Variants in SDR42E2 observed in about 807,000 individuals in gnomAD.
The protein encoded by SDR42E2 is putative short-chain dehydrogenase/reductase family 42E member 2.
Under a neutral mutation model 10.5 loss-of-function variants are expected in SDR42E2, and 20 were observed. That is an observed-to-expected ratio of 1.90 (90% confidence interval 1.34 to 2.77). The LOEUF is 2.77. Among genes scored for constraint, SDR42E2 ranks in the 30% most tolerant of loss-of-function variants. The pLI, the probability that SDR42E2 is intolerant of heterozygous loss-of-function variation, is 0.00. For synonymous variants in SDR42E2, 72 were observed against 39.2 expected (o/e 1.84, Z -3.12); for missense variants, 162 against 104.2 (o/e 1.55, Z -2.42).
intron 7 of SDR42E2, among the ~76,000 whole-genome samples, chr16:22,177,352 C>T (rs138727018): frequency 6.4e-4 from 97 of 152,184 alleles, no homozygotes; most frequent in Non-Finnish European, 1.1e-3. Context: ...CAAGGCCGGG[C>T]GCGGTGGCTC....
chr16:22,163,750 C>T (rs926436094), intron 1 of SDR42E2, among the ~76,000 whole-genome samples: 1 of 151,950 alleles, frequency 6.6e-6, no homozygotes, highest in African/African-American at 2.4e-5. Flanking sequence ...TTATACGGGG[C>T]AGGACTGTAT....
intron 7 of SDR42E2, among the ~76,000 whole-genome samples, chr16:22,173,903 GTGTATATATATATATA>G (rs1381879194): frequency 1.8e-5 from 2 of 112,780 alleles, no homozygotes; most frequent in South Asian, 3.2e-4. Context: ...ATATGTGTGT[GTGTATATATATATATA>G]TATATATATA....
Position 22,190,512 on chromosome 16 carries a change from C to T in SDR42E2, c.*119C>T, listed in dbSNP as rs2046766722. ...TGGGTTTGAGCGCGCCTCCGCTCCG[C>T]CCCTTGAATCCTGGTCACGCCCCCG... On this transcript the variant is annotated 3_prime_UTR_variant, in exon 13 of 13. Coordinates refer to ENST00000602312, the MANE Select transcript of SDR42E2 (RefSeq NM_001394319.2). 3 of 399,194 alleles carry T rather than the reference C, an allele frequency of 7.5e-6. No individual in the cohort carries two copies. Among genetic ancestry groups the T allele is most frequent in the Non-Finnish European group, 1.3e-5 (3 of 226,518 alleles). The allele number at this position is 399,194 out of a possible 1,614,324, so 24.7% of individuals were successfully genotyped here.
rs1024596766 is a variant in SDR42E2, at chr16:22,162,565, G to GT, written c.-37+2dup. On this transcript the variant is annotated splice_donor_variant, in intron 1 of 12. Coordinates refer to ENST00000602312, the MANE Select transcript of SDR42E2 (RefSeq NM_001394319.2). LOFTEE classifies it low-confidence loss of function (5UTR_SPLICE). ...GCAGCGCCGCGGGAGCCCGGGCCAG[G>GT]TGAGCGAAGCCCGGACGCGGGCCAG... Among the ~76,000 whole-genome samples, 8 of 152,194 alleles carry GT rather than the reference G, an allele frequency of 5.3e-5. No individual in the cohort carries two copies. The highest frequency in any genetic ancestry group is 1.7e-4 in the African/African-American group (7 of 41,462).
At chr16:22,186,905 C>T (rs2046740696) in intron 12 of SDR42E2, 111 bp downstream of exon 12, 2 of 398,074 alleles carry the variant, frequency 5.0e-6, no homozygotes, top group African/African-American at 2.1e-5. Context: ...ACCATGATGA[C>T]ACATGCTTGT....
intron 7 of SDR42E2, among the ~76,000 whole-genome samples, chr16:22,175,540 CTTTTT>C (rs759069697): frequency 2.2e-5 from 3 of 137,034 alleles, no homozygotes; most frequent in African/African-American, 8.3e-5. Context: ...ACACTCCTTC[CTTTTT>C]TTTTTTTTTT....
At chr16:22,166,686 T>C (rs1361842210) in intron 3 of SDR42E2, among the ~76,000 whole-genome samples, 6 of 152,064 alleles carry the variant, frequency 3.9e-5, no homozygotes, top group African/African-American at 1.4e-4. Flanking sequence ...GCACAGCCCC[T>C]GTCACCTACA....
rs535241112 is a variant in SDR42E2, at chr16:22,170,081, G to A, written c.394+579G>A. 5.9e-5 allele frequency among the ~76,000 whole-genome samples: 9 copies of A among 151,822 alleles called. No individual in the cohort carries two copies. The East Asian group carries it at 1.2e-3, about 20-fold the overall frequency. On this transcript the variant is annotated intron_variant, in intron 5 of 12. Coordinates refer to ENST00000602312, the MANE Select transcript of SDR42E2 (RefSeq NM_001394319.2). ...TAAAAATAAATAAATAAGTCTGGGC[G>A]AGGTGGCTCACGCCTGTAATCCCAG... is the stretch of plus-strand genomic sequence containing the variant.
chr16:22,183,853 G>C (rs1378522304), intron 10 of SDR42E2, among the ~76,000 whole-genome samples: 2 of 151,908 alleles, frequency 1.3e-5, no homozygotes, highest in Non-Finnish European at 2.9e-5. Flanking sequence ...CAGCACTTTT[G>C]GGAGGCTGAG....
chr16:22,165,379 C>G (rs1238341217), intron 1 of SDR42E2, among the ~76,000 whole-genome samples, 168 bp from the exon 2 acceptor site: 1 of 152,186 alleles, frequency 6.6e-6, no homozygotes, highest in Non-Finnish European at 1.5e-5. Flanking sequence ...TGAACCACCA[C>G]GCCGGGCCCA....
In SDR42E2 at chr16:22,162,584, G is replaced by A. The variant is rs1458272102; in HGVS notation, c.-37+20G>A. Among the ~76,000 whole-genome samples, 1 of 152,174 alleles carries A rather than the reference G, an allele frequency of 6.6e-6. No homozygotes were observed. Among genetic ancestry groups the A allele is most frequent in the African/African-American group, 2.4e-5 (1 of 41,458 alleles). On this transcript the variant is annotated intron_variant, in intron 1 of 12. Transcript: ENST00000602312. ...GGCCAGGTGAGCGAAGCCCGGACGC[G>A]GGCCAGGGAGGGACGCAGGTGCTGG...
intron 2 of SDR42E2, 125 bp from the exon 3 acceptor site, chr16:22,166,125 G>A (rs984797286): frequency 4.3e-6 from 2 of 469,744 alleles, no homozygotes; most frequent in South Asian, 4.2e-5. Context: ...TACCTGGGCC[G>A]GGAGCTGGAT....
chr16:22,190,467 C>T lies in SDR42E2; in HGVS notation c.*74C>T, dbSNP rs1050266403. 6.0e-5 allele frequency: 24 copies of T among 400,694 alleles called. No homozygotes were observed. Among genetic ancestry groups the T allele is most frequent in the Non-Finnish European group, 1.1e-4 (24 of 226,934 alleles). 24.8% of individuals were successfully genotyped at this position (400,694 alleles called of 1,614,324 possible). ...CCACGCCCGGCTCCCTGGGCTTGTA[C>T]CAGCCCCTGCCCCGCCTTCTGGGTT... is the stretch of plus-strand genomic sequence containing the variant. On this transcript the variant is annotated 3_prime_UTR_variant, in exon 13 of 13. Transcript: ENST00000602312.
At chr16:22,189,310 G>A (rs1429775330) in intron 12 of SDR42E2, among the ~76,000 whole-genome samples, 3 of 152,152 alleles carry the variant, frequency 2.0e-5, no homozygotes, top group Non-Finnish European at 4.4e-5. Flanking sequence ...GAGTCAGGTG[G>A]GAGAACATCT....
intron 4 of SDR42E2, among the ~76,000 whole-genome samples, chr16:22,168,968 C>A (rs1325293705): frequency 6.6e-6 from 1 of 152,178 alleles, no homozygotes; most frequent in African/African-American, 2.4e-5. Context: ...TCAGGAAGTT[C>A]TTGCCCTGTT....
intron 8 of SDR42E2, among the ~76,000 whole-genome samples, chr16:22,178,647 C>G (rs2046666213): frequency 6.6e-6 from 1 of 152,190 alleles, no homozygotes; most frequent in Non-Finnish European, 1.5e-5. Context: ...GGGAGACAGA[C>G]ACCACAGTCA....
chr16:22,174,493 C>T (rs1281770998), intron 7 of SDR42E2, among the ~76,000 whole-genome samples: 1 of 151,952 alleles, frequency 6.6e-6, no homozygotes, highest in Non-Finnish European at 1.5e-5. Context: ...GTGCTGCAGC[C>T]CCAGCTGAGC....
chr16:22,174,518 C>T (rs2046628088), intron 7 of SDR42E2, among the ~76,000 whole-genome samples: 1 of 152,018 alleles, frequency 6.6e-6, no homozygotes, highest in African/African-American at 2.4e-5. Context: ...CCCTGAGCAT[C>T]AACTCTTTTC....
chr16:22,175,334 C>T (rs1260016384), intron 7 of SDR42E2, among the ~76,000 whole-genome samples: 1 of 152,096 alleles, frequency 6.6e-6, no homozygotes, highest in Non-Finnish European at 1.5e-5. Context: ...GTGGTGCACA[C>T]CTGTACTCCC....
Sources: gnomAD v4.1 joint callset for allele counts (sites outside exome capture counted in the v4.1 genomes callset) on GRCh38, gnomAD v4.1.1 for gene constraint, MANE v1.5 for transcripts, NCBI Gene and HGNC (gene_info 2026-07-23, HGNC 2026-07-21) for gene names.